The following PLCG2 variants were observed in gnomAD, a reference collection of about 807,000 sequenced individuals.
The protein encoded by PLCG2 is 1-phosphatidylinositol 4,5-bisphosphate phosphodiesterase gamma-2.
Under a neutral mutation model 175.6 loss-of-function variants are expected in PLCG2, and 69 were observed. The observed-to-expected ratio is 0.39, with a 90% CI of 0.32 to 0.48. PLCG2 has a LOEUF of 0.48. Among genes scored for constraint, PLCG2 ranks in the 20% least tolerant of loss-of-function variants. The pLI, the probability that PLCG2 is intolerant of heterozygous loss-of-function variation, is 0.91. For missense variants in PLCG2, 1,798 were observed against 1,650.9 expected (o/e 1.09, Z -1.54); for synonymous variants, 827 against 624.0 (o/e 1.33, Z -4.85).
At chr16:81,779,840 C>T (rs1445017319) in intron 1 of PLCG2, among the ~76,000 whole-genome samples, 5 of 152,234 alleles carry the variant, frequency 3.3e-5, no homozygotes, top group South Asian at 2.1e-4. Context: ...ACTTCCCTGT[C>T]TCACTTCGGT....
chr16:81,894,418 G>A (rs1908784888), intron 12 of PLCG2, among the ~76,000 whole-genome samples: 2 of 152,182 alleles, frequency 1.3e-5, no homozygotes, highest in Admixed American at 1.3e-4. Context: ...AACAGAGCGA[G>A]ACTCTGTGTC....
intron 7 of PLCG2, among the ~76,000 whole-genome samples, chr16:81,873,976 C>G (rs563849710): frequency 2.4e-4 from 37 of 152,180 alleles, no homozygotes; most frequent in African/African-American, 8.4e-4. Context: ...CAGAGTTTTA[C>G]AAAATGTCAG....
intron 31 of PLCG2, among the ~76,000 whole-genome samples, chr16:81,948,812 A>G (rs1380815058): frequency 2.0e-5 from 3 of 152,200 alleles, no homozygotes; most frequent in East Asian, 1.9e-4. Flanking sequence ...AGAGTGTGAC[A>G]TGACTACTGA....
chr16:81,817,403 A>G (rs1463509344), intron 2 of PLCG2, among the ~76,000 whole-genome samples: 1 of 152,190 alleles, frequency 6.6e-6, no homozygotes, highest in African/African-American at 2.4e-5. Context: ...TGATATTACT[A>G]TTATTATTTT....
At chr16:81,875,827 T>C (rs777321687) in intron 7 of PLCG2, among the ~76,000 whole-genome samples, 1 of 152,102 alleles carries the variant, frequency 6.6e-6, no homozygotes, top group African/African-American at 2.4e-5. Flanking sequence ...CAGTAAGGCA[T>C]TGAAGGATTA....
intron 31 of PLCG2, among the ~76,000 whole-genome samples, chr16:81,952,658 A>G (rs1230423332): frequency 6.6e-6 from 1 of 152,236 alleles, no homozygotes; most frequent in South Asian, 2.1e-4. Context: ...AGAATGAAAT[A>G]GCCACATGTC....
chr16:81,935,519 C>G (rs1313185710), intron 26 of PLCG2: 1 of 985,108 alleles, frequency 1.0e-6, no homozygotes, highest in Non-Finnish European at 1.2e-6. Flanking sequence ...TGAGCTGCTT[C>G]CATATCTTTC....
At chr16:81,912,509 C>G in intron 18 of PLCG2, 88 bp from the exon 19 acceptor site, 1 of 1,501,384 alleles carries the variant, frequency 6.7e-7, no homozygotes, top group South Asian at 1.2e-5. Context: ...CCAGGTGTCA[C>G]TGGTGCCATT....
chr16:81,793,702 A>T (rs1466052327), intron 2 of PLCG2, among the ~76,000 whole-genome samples: 1 of 152,148 alleles, frequency 6.6e-6, no homozygotes, highest in South Asian at 2.1e-4. Flanking sequence ...CGTTGATGAG[A>T]GCCTCTTCTA....
upstream of PLCG2, among the ~76,000 whole-genome samples, chr16:81,774,690 G>T (rs769706847): frequency 1.3e-5 from 2 of 152,240 alleles, no homozygotes; most frequent in East Asian, 1.9e-4. Context: ...GCCTTTGGAG[G>T]TGGTGGTGGA....
intron 2 of PLCG2, among the ~76,000 whole-genome samples, chr16:81,770,698 C>T (rs1320222157): frequency 6.6e-6 from 1 of 152,028 alleles, no homozygotes; most frequent in African/African-American, 2.4e-5. Context: ...CCTGCTTGGG[C>T]TACAGAGTGA....
intron 2 of PLCG2, among the ~76,000 whole-genome samples, chr16:81,827,203 TG>T (rs397855204): frequency 4.5e-4 from 68 of 151,652 alleles, no homozygotes; most frequent in African/African-American, 1.5e-3. Context: ...TTTTTTTTTT[TG>T]GGGACAGGGT....
At chr16:81,743,963 A>G (rs144170208) in intron 1 of PLCG2, among the ~76,000 whole-genome samples, 7,084 of 151,678 alleles carry the variant, frequency 0.047, 242 homozygotes, top group Non-Finnish European at 0.074. Flanking sequence ...GGTTCAAGCA[A>G]TTCTCCTGCC....
chr16:81,950,943 T>C (rs1597153646), intron 31 of PLCG2, among the ~76,000 whole-genome samples: 1 of 151,114 alleles, frequency 6.6e-6, no homozygotes. Context: ...AAAACACAAA[T>C]AAAAATAAAA....
intron 27 of PLCG2, 188 bp from the exon 28 acceptor site, chr16:81,937,570 G>T: frequency 4.6e-6 from 2 of 435,120 alleles, no homozygotes; most frequent in Non-Finnish European, 8.1e-6. Context: ...ACTTGGAAAG[G>T]TGTTCCCCAG....
rs532680550 is a variant in PLCG2 at position 81,792,480 on chromosome 16, C to CAAAAAAA, written c.193+6323_193+6329dup. On this transcript the variant is annotated intron_variant, in intron 2 of 32. Coordinates refer to ENST00000564138, the MANE Select transcript of PLCG2 (RefSeq NM_002661.5). ...TGGGTGACAGAGCAAGGCTCTGTCT[C>CAAAAAAA]AAAAAAAAAAAAAAAAAAAAAAAAA... 2.7e-3 allele frequency among the ~76,000 whole-genome samples: 191 copies of CAAAAAAA among 70,134 alleles called. 2 individuals carry two copies. Among genetic ancestry groups the CAAAAAAA allele is most frequent in the Middle Eastern group, 0.012 (1 of 86 alleles). 46.0% of individuals were successfully genotyped at this position (70,134 alleles called of 152,430 possible). A position where few individuals can be genotyped will look rare whatever the true frequency, so the allele number is the denominator to read the frequency against.
chr16:81,765,597 C>T (rs761842949), intron 2 of PLCG2, among the ~76,000 whole-genome samples: 59 of 152,324 alleles, frequency 3.9e-4, no homozygotes, highest in Non-Finnish European at 6.9e-4. Context: ...TGCTAGTGCC[C>T]TCCAGCCTGG....
Position 81,846,115 on chromosome 16 carries a change from G to A in PLCG2, c.194-8329G>A, listed in dbSNP as rs1224532343. ...ATTTCCCAGCTGCTAGGAGTGTTGG[G>A]TGTCGTGGCTCACAGGTGCCCCTTC... On this transcript the variant is annotated intron_variant, in intron 2 of 32. Transcript: ENST00000564138. Among the ~76,000 whole-genome samples the A allele has an allele frequency of 1.1e-4, 17 of 152,326 alleles. No homozygotes were observed. In the East Asian group the frequency reaches 3.3e-3, roughly 29 times the overall value.
At chr16:81,821,704 T>A (rs1003220716) in intron 2 of PLCG2, among the ~76,000 whole-genome samples, 1 of 152,044 alleles carries the variant, frequency 6.6e-6, no homozygotes, top group Non-Finnish European at 1.5e-5. Flanking sequence ...GGTGAACAGA[T>A]CAGTGGAGCG....
Sources: allele counts gnomAD v4.1 joint callset (sites outside exome capture counted in the v4.1 genomes callset), GRCh38; gene constraint gnomAD v4.1.1; transcripts MANE v1.5; gene names NCBI Gene and HGNC (gene_info 2026-07-23, HGNC 2026-07-21).